RBFOX2: variants seen among roughly 807,000 people sequenced by gnomAD.
RBFOX2 encodes RNA binding protein fox-1 homolog 2.
In RBFOX2, 10 loss-of-function variants were observed where a neutral mutation model predicts 49.1. The ratio of observed to expected loss-of-function variants is 0.20; its 90% confidence interval spans 0.13 to 0.35. The LOEUF (loss-of-function observed/expected upper bound fraction) is 0.35. RBFOX2 is among the 10% of genes least tolerant of loss of function. The pLI, the probability that RBFOX2 is intolerant of heterozygous loss-of-function variation, is 1.00. For missense variants in RBFOX2, 323 were observed against 486.9 expected, an observed-to-expected ratio of 0.66 and a Z score of 3.17; for synonymous variants, 183 against 187.4, an observed-to-expected ratio of 0.98 and a Z score of 0.19.
intron 1 of RBFOX2, among the ~76,000 whole-genome samples, chr22:35,810,663 G>A (rs1301906582): frequency 6.6e-6 from 1 of 152,102 alleles, no homozygotes; most frequent in Non-Finnish European, 1.5e-5. Context: ...GTAAGTCCAA[G>A]TCTTTAGTCA....
chr22:35,960,292 C>A lies in RBFOX2; in HGVS notation c.42+1271G>T, dbSNP rs1277688873. On this transcript the variant is annotated intron_variant, in intron 1 of 5. Coordinates refer to the RBFOX2 transcript ENST00000408983. ...CACACTGTGAGGTTGGTACTCACAG[C>A]ACTATCATTCCCATTTTACACATGA... 1.3e-5 allele frequency among the ~76,000 whole-genome samples: 2 copies of A among 152,050 alleles called. 1 individual carries two copies. Among genetic ancestry groups the A allele is most frequent in the Non-Finnish European group, 2.9e-5 (2 of 68,000 alleles).
At chr22:35,770,904 AG>A (rs566038489) in intron 4 of RBFOX2, among the ~76,000 whole-genome samples, 332 of 152,328 alleles carry the variant, frequency 2.2e-3, no homozygotes, top group African/African-American at 7.6e-3. Context: ...TATACACCAA[AG>A]GAAATGCGAA....
chr22:35,880,926 A>G (rs2149284607), intron 1 of RBFOX2, among the ~76,000 whole-genome samples: 1 of 152,318 alleles, frequency 6.6e-6, no homozygotes, highest in South Asian at 2.1e-4. Flanking sequence ...ACAGCATTCA[A>G]ATGTGATTGA....
At chr22:35,855,215 T>C (rs966721539) in intron 1 of RBFOX2, among the ~76,000 whole-genome samples, 2 of 152,178 alleles carry the variant, frequency 1.3e-5, no homozygotes, top group African/African-American at 4.8e-5. Flanking sequence ...AAAGACTAAT[T>C]TTCCACAATA....
chr22:35,932,821 C>T (rs919008911), intron 1 of RBFOX2, among the ~76,000 whole-genome samples: 1 of 152,202 alleles, frequency 6.6e-6, no homozygotes, highest in African/African-American at 2.4e-5. Flanking sequence ...GCAAATGTTG[C>T]AGTGAGCCAA....
chr22:35,865,782 T>C (rs2149130253), intron 1 of RBFOX2, among the ~76,000 whole-genome samples: 1 of 152,350 alleles, frequency 6.6e-6, no homozygotes, highest in African/African-American at 2.4e-5. Flanking sequence ...TTGCATATTC[T>C]TTCTAAAACC....
chr22:35,994,931 T>A (rs1381385504), intron 1 of RBFOX2: 2 of 152,072 alleles, frequency 1.3e-5, no homozygotes, highest in African/African-American at 4.8e-5. Flanking sequence ...TTCAGAAACA[T>A]GAGTGTAGAG....
At chr22:35,767,076 C>A (rs962734426) in intron 5 of RBFOX2, among the ~76,000 whole-genome samples, 1 of 152,042 alleles carries the variant, frequency 6.6e-6, no homozygotes, top group Non-Finnish European at 1.5e-5. Context: ...TAAAACCAGC[C>A]AAACTGGAGT....
chr22:36,025,628 T>C (rs920608077), intron 1 of RBFOX2, among the ~76,000 whole-genome samples: 1 of 152,214 alleles, frequency 6.6e-6, no homozygotes, highest in African/African-American at 2.4e-5. Flanking sequence ...CTCACACTTC[T>C]TTAAAAATGC....
intron 1 of RBFOX2, among the ~76,000 whole-genome samples, chr22:35,913,847 A>G (rs2149530137): frequency 6.6e-6 from 1 of 152,244 alleles, no homozygotes; most frequent in Non-Finnish European, 1.5e-5. Context: ...CTGTCTAAGA[A>G]AAGGGGAATG....
intron 1 of RBFOX2, among the ~76,000 whole-genome samples, chr22:35,950,066 T>A (rs1332065554): frequency 1.3e-5 from 2 of 151,956 alleles, no homozygotes; most frequent in Admixed American, 1.3e-4. Flanking sequence ...AGGTCTTTGA[T>A]CCATTTTGAG....
chr22:35,810,144 A>G (rs993092029), intron 1 of RBFOX2, 140 bp from the exon 3 acceptor site: 4 of 754,868 alleles, frequency 5.3e-6, no homozygotes, highest in African/African-American at 1.8e-5. Flanking sequence ...AGGATTGGAG[A>G]AAATATTATT....
At chr22:35,858,172 T>C (rs984677957) in intron 1 of RBFOX2, among the ~76,000 whole-genome samples, 1 of 152,210 alleles carries the variant, frequency 6.6e-6, no homozygotes, top group Admixed American at 6.5e-5. Flanking sequence ...TTTAACAAAC[T>C]TTCTATTGGG....
At chr22:35,778,685 G>A (rs570234714) in intron 3 of RBFOX2, among the ~76,000 whole-genome samples, 118 of 151,444 alleles carry the variant, frequency 7.8e-4, no homozygotes, top group Non-Finnish European at 1.4e-3. Flanking sequence ...CACCCAGGCT[G>A]GAGTCCAGTG....
At chr22:35,921,947 C>T (rs1387623139) in intron 1 of RBFOX2, among the ~76,000 whole-genome samples, 1 of 152,134 alleles carries the variant, frequency 6.6e-6, no homozygotes, top group African/African-American at 2.4e-5. Flanking sequence ...CCCTTTTCTC[C>T]TCCCACCCTA....
At chr22:35,928,144 A>G (rs1323810864) in intron 1 of RBFOX2, among the ~76,000 whole-genome samples, 1 of 152,136 alleles carries the variant, frequency 6.6e-6, no homozygotes, top group Non-Finnish European at 1.5e-5. Flanking sequence ...ATTGAGGCTC[A>G]GAGAACAAAA....
At chr22:35,761,610 A>G in intron 6 of RBFOX2, 142 bp from the exon 8 acceptor site, 1 of 807,058 alleles carries the variant, frequency 1.2e-6, no homozygotes, top group South Asian at 1.6e-5. Flanking sequence ...CTTGGGGTTT[A>G]TATGAGAGAG....
chr22:35,837,627 A>G (rs897977691), intron 1 of RBFOX2, among the ~76,000 whole-genome samples: 1 of 152,184 alleles, frequency 6.6e-6, no homozygotes, highest in Non-Finnish European at 1.5e-5. Context: ...AACTATGTAC[A>G]TTACATTAAC....
chr22:35,746,010 C>T lies in RBFOX2; in HGVS notation c.977-15G>A. ...CCCTGCCATAACTGGAAAGAAGAAA[C>T]ACAATCAGACAGATAAAGAAAAGTG... On this transcript the variant is annotated splice_polypyrimidine_tract_variant and intron_variant, in intron 10 of 11. Coordinates refer to ENST00000405409, the Ensembl canonical transcript of RBFOX2. 1.2e-6 allele frequency: 2 copies of T among 1,601,198 alleles called. No homozygotes were observed. The highest frequency in any genetic ancestry group is 1.7e-6 in the Non-Finnish European group (2 of 1,168,834).
Sources: allele counts gnomAD v4.1 joint callset (sites outside exome capture counted in the v4.1 genomes callset), GRCh38; gene constraint gnomAD v4.1.1; transcripts MANE v1.5; gene names NCBI Gene and HGNC (gene_info 2026-07-23, HGNC 2026-07-21).